The following FAT1 variants were observed in gnomAD, a reference collection of about 807,000 sequenced individuals.
The protein encoded by FAT1 is FAT atypical cadherin 1.
FAT1 carries 171 observed loss-of-function variants against 329.8 expected under a neutral mutation model. The observed-to-expected ratio is 0.52, with a 90% CI of 0.46 to 0.59. The LOEUF (loss-of-function observed/expected upper bound fraction) is 0.59, where lower values mean the gene tolerates loss of function less well. Among genes scored for constraint, FAT1 ranks in the 20% least tolerant of loss-of-function variants. The probability of loss-of-function intolerance (pLI) is 0.00; values close to 1 mark genes in which losing one functional copy is unlikely to be tolerated. For synonymous variants in FAT1, 2,233 were observed against 2,228.6 expected (o/e 1.00, Z -0.06); for missense variants, 5,672 against 5,774.4 (o/e 0.98, Z 0.57).
At chr4:186,724,796 G>A (rs1745659862), upstream of FAT1, among the ~76,000 whole-genome samples, 1 of 152,236 alleles carries the variant, frequency 6.6e-6, no homozygotes, top group Non-Finnish European at 1.5e-5. This position sits in a 1 kb window ranked among gnomAD's most constrained non-coding sequence, Gnocchi z 5.3. Context: ...CAAGAGGGCG[G>A]ACTTGATCTC....
intron 11 of FAT1, 56 bp from the exon 12 acceptor site, chr4:186,614,400 A>G (rs1739609030): frequency 8.7e-7 from 1 of 1,143,246 alleles, no homozygotes; most frequent in Non-Finnish European, 1.2e-6. Flanking sequence ...CAGCACAAAC[A>G]TCAAGGGAAT....
rs748975832 is a variant in FAT1 at position 186,596,876 on chromosome 4, C to T, written c.12664G>A (p.Gly4222Arg). The T allele has an allele frequency of 5.6e-6, 9 of 1,613,834 alleles. No homozygotes were observed. Among genetic ancestry groups the T allele is most frequent in the Middle Eastern group, 1.6e-4 (1 of 6,084 alleles). The change falls in exon 25 of 27, where the codon GGA becomes AGA. Residue 4222 changes from glycine (G) to arginine (R), a missense_variant. This residue lies in a region of FAT1 where 1,706 missense variants were observed against 1,859.1 expected (regional missense o/e 0.92). Transcript: ENST00000441802. The surrounding 1 kb of genome is among the most constrained non-coding windows in gnomAD (Gnocchi z 4.7). ...CTTTGCAAGAAAGCCGTAGCGGGTC[C>T]CAGGTGCTTGTCTTTAGGTTCAGCC... ...HQAEPKDKHL[G>R]PATAFLQRPY...
intron 2 of FAT1, among the ~76,000 whole-genome samples, chr4:186,705,073 T>C (rs577166412): frequency 2.0e-5 from 3 of 149,788 alleles, no homozygotes; most frequent in African/African-American, 7.4e-5. Context: ...GCCTCCCAAG[T>C]AGCTGGGACT....
chr4:186,630,641 C>A (rs549276036), intron 7 of FAT1, among the ~76,000 whole-genome samples: 11 of 152,260 alleles, frequency 7.2e-5, no homozygotes, highest in African/African-American at 2.4e-4. Context: ...GACAGGCTCT[C>A]AGAACGTGAA....
chr4:186,670,686 T>C (rs1192815499), intron 2 of FAT1, among the ~76,000 whole-genome samples: 2 of 152,220 alleles, frequency 1.3e-5, no homozygotes, highest in Non-Finnish European at 2.9e-5. Flanking sequence ...GTAAGCTTCC[T>C]ATTAGAATGC....
At chr4:186,648,305 C>G (rs536557582) in intron 3 of FAT1, among the ~76,000 whole-genome samples, 1 of 152,124 alleles carries the variant, frequency 6.6e-6, no homozygotes, top group African/African-American at 2.4e-5. Context: ...CATTTTAAAG[C>G]TCAGAGTGAA....
At chr4:186,650,554 A>C (rs1741590802) in intron 3 of FAT1, among the ~76,000 whole-genome samples, 1 of 152,118 alleles carries the variant, frequency 6.6e-6, no homozygotes, top group Non-Finnish European at 1.5e-5. Flanking sequence ...AGTTAATCAA[A>C]ATTTTTTTTA....
rs979565600 is a variant in FAT1, at chr4:186,649,187, A to T, written c.3581-9404T>A. On this transcript the variant is annotated intron_variant, in intron 3 of 26. Transcript: ENST00000441802. ...CTTCAACTGCTTATTAAGTCCTAAA[A>T]CATCACCCAGAATCTTCCTGACAAG... Among the ~76,000 whole-genome samples the T allele has an allele frequency of 4.2e-4, 61 of 145,810 alleles. 2 individuals carry two copies. Among genetic ancestry groups the T allele is most frequent in the Non-Finnish European group, 1.0e-4 (7 of 67,952 alleles).
At position 186,628,647 on chromosome 4, in the gene FAT1, A is replaced by C. The variant is rs1214759754; in HGVS notation, c.4440T>G (p.Ala1480=). The part of the protein sequence containing the change: ...APETEILQIS[A]VDQDEKNKLI... ...GTTTGTTTTTCTCATCCTGATCCAC[A>C]GCACTGATTTGCAAAATTTCTGTTT... Residue 1480 remains alanine (A), a synonymous_variant, in exon 8 of 27, where the codon GCT becomes GCG. Transcript: ENST00000441802. The C allele has an allele frequency of 1.9e-6, 3 of 1,614,034 alleles. No individual in the cohort carries two copies. In the South Asian group the frequency reaches 3.3e-5, roughly 18 times the overall value.
rs571709390 is a variant in FAT1 at position 186,708,455 on chromosome 4, C to T, written c.1373G>A (p.Ser458Asn). ...TGTCTGGGTAAATTCAGGGGGATTG[C>T]TATTTGCACCTAAGACTTTCACCAA... ...KVLVKVLGAN[S>N]NPPEFTQTAY... is the part of the protein sequence containing the mutation. Residue 458 changes from serine (S) to asparagine (N), a missense_variant, in exon 2 of 27, where the codon AGC (serine) becomes AAC (asparagine). Around this residue, in one of 2 missense-constraint regions of FAT1, gnomAD observed 3,966 missense variants for 3,915.2 expected, o/e 1.01. Transcript: ENST00000441802. The T allele has an allele frequency of 6.2e-7, 1 of 1,613,978 alleles. No individual in the cohort carries two copies. Among genetic ancestry groups the T allele is most frequent in the South Asian group, 1.1e-5 (1 of 91,078 alleles).
At chr4:186,636,944 G>GT in intron 4 of FAT1, 30 bp from the exon 5 acceptor site, 1 of 1,545,548 alleles carries the variant, frequency 6.5e-7, no homozygotes, top group Non-Finnish European at 8.8e-7. Context: ...AGATTAACAT[G>GT]TTAAGATATA....
At chr4:186,715,083 C>CA (rs11433462) in intron 1 of FAT1, among the ~76,000 whole-genome samples, 45,897 of 148,722 alleles carry the variant, frequency 0.31, 9,853 homozygotes, top group African/African-American at 0.61. Context: ...GTCTCAAAAA[C>CA]AAAAAAAAAA....
At chr4:186,633,920 T>C (rs1318154628) in intron 6 of FAT1, 97 bp from the exon 7 acceptor site, 1 of 1,343,296 alleles carries the variant, frequency 7.4e-7, no homozygotes, top group African/African-American at 1.4e-5. Flanking sequence ...AAAAATCTTC[T>C]AATATACTAG....
chr4:186,613,284 GAGA>G lies in FAT1; in HGVS notation c.9285_9287del (p.Leu3096del), dbSNP rs1560934316. On this transcript the variant is annotated inframe_deletion, in exon 13 of 27. Transcript: ENST00000441802. ...TTCCTCCTCCATCTGTGGCCCTGAC[GAGA>G]AGATGATAAACAGCTTGCTCCTCAC... 1 of 1,613,882 alleles carries G rather than the reference GAGA, an allele frequency of 6.2e-7. No homozygotes were observed. The highest frequency in any genetic ancestry group is 1.3e-5 in the African/African-American group (1 of 74,922).
At chr4:186,723,587 G>A (rs1745561130) in intron 1 of FAT1, 77 bp downstream of exon 1, 1 of 152,180 alleles carries the variant, frequency 6.6e-6, no homozygotes, top group African/African-American at 2.4e-5. Flanking sequence ...GGACCGGGCG[G>A]ACACCCACAG....
chr4:186,667,188 C>T (rs1264747463), intron 2 of FAT1, among the ~76,000 whole-genome samples: 1 of 152,142 alleles, frequency 6.6e-6, no homozygotes, highest in Non-Finnish European at 1.5e-5. Flanking sequence ...TCCGTCGTGC[C>T]TTATTTCTAG....
intron 3 of FAT1, among the ~76,000 whole-genome samples, chr4:186,645,948 A>C (rs957303059): frequency 9.6e-6 from 1 of 104,214 alleles, no homozygotes; most frequent in Non-Finnish European, 1.9e-5. Context: ...TGTCTCACAA[A>C]AAAAAAAAAA....
intron 4 of FAT1, 99 bp downstream of exon 4, chr4:186,639,623 T>C: frequency 3.8e-6 from 3 of 785,532 alleles, no homozygotes; most frequent in Admixed American, 5.1e-5. Context: ...AACAAAATAT[T>C]AATAGCTAAG....
chr4:186,630,770 C>G (rs1413031779), intron 7 of FAT1, among the ~76,000 whole-genome samples: 1 of 152,094 alleles, frequency 6.6e-6, no homozygotes, highest in Non-Finnish European at 1.5e-5. Context: ...GCTATTTGCC[C>G]ATGGAAAGGA....
Sources: allele counts gnomAD v4.1 joint callset (sites outside exome capture counted in the v4.1 genomes callset), GRCh38; gene constraint gnomAD v4.1.1; regional missense constraint gnomAD v4.1.1; non-coding constraint Gnocchi (gnomAD v3.1); transcripts MANE v1.5; gene names NCBI Gene and HGNC (gene_info 2026-07-23, HGNC 2026-07-21).